KCNIP1: variants seen among roughly 807,000 people sequenced by gnomAD.
KCNIP1 encodes A-type potassium channel modulatory protein KCNIP1.
Under a neutral mutation model 33.0 loss-of-function variants are expected in KCNIP1, and 18 were observed. The observed-to-expected ratio is 0.55, with a 90% confidence interval of 0.38 to 0.81. The LOEUF (loss-of-function observed/expected upper bound fraction) is 0.81. KCNIP1 is among the 30% of genes least tolerant of loss of function. KCNIP1 has a pLI of 0.00. For synonymous variants in KCNIP1, 93 were observed against 98.3 expected, an observed-to-expected ratio of 0.95 and a Z score of 0.32; for missense variants, 238 against 271.6, an observed-to-expected ratio of 0.88 and a Z score of 0.87.
chr5:170,465,992 A>G (rs550323058), intron 1 of KCNIP1, among the ~76,000 whole-genome samples: 2 of 152,326 alleles, frequency 1.3e-5, no homozygotes, highest in East Asian at 3.9e-4. Context: ...TTGGAAGACA[A>G]GTGAGAGGAT....
intron 1 of KCNIP1, among the ~76,000 whole-genome samples, chr5:170,379,544 G>A (rs1764151199): frequency 6.6e-6 from 1 of 152,148 alleles, no homozygotes; most frequent in East Asian, 1.9e-4. Context: ...GCCAGGGTGT[G>A]GCAGGGCCTG....
At chr5:170,705,934 C>T (rs1763243847) in intron 1 of KCNIP1, among the ~76,000 whole-genome samples, 1 of 152,168 alleles carries the variant, frequency 6.6e-6, no homozygotes, top group African/African-American at 2.4e-5. Context: ...GAGCATCTTA[C>T]ATACCTTATC....
At chr5:170,437,922 G>A (rs963197328) in intron 1 of KCNIP1, among the ~76,000 whole-genome samples, 1 of 152,156 alleles carries the variant, frequency 6.6e-6, no homozygotes, top group Admixed American at 6.5e-5. Flanking sequence ...CTCCTTCCCC[G>A]GAGTTGGCTC....
chr5:170,568,028 A>G (rs1757261464), intron 1 of KCNIP1, among the ~76,000 whole-genome samples: 1 of 152,214 alleles, frequency 6.6e-6, no homozygotes, highest in African/African-American at 2.4e-5. Context: ...GCAACCTTCT[A>G]CAGATGTGGC....
chr5:170,629,734 C>A (rs1759982136), intron 1 of KCNIP1, among the ~76,000 whole-genome samples: 1 of 152,196 alleles, frequency 6.6e-6, no homozygotes, highest in South Asian at 2.1e-4. Flanking sequence ...GCACCAGCAC[C>A]CATCCCCACC....
chr5:170,534,548 G>A (rs1044929656), intron 1 of KCNIP1, among the ~76,000 whole-genome samples: 14 of 152,000 alleles, frequency 9.2e-5, no homozygotes, highest in African/African-American at 3.4e-4. Flanking sequence ...AGCTACAGAA[G>A]CACCTGTTGC....
chr5:170,531,883 C>T (rs535153727), intron 1 of KCNIP1, among the ~76,000 whole-genome samples: 9 of 152,078 alleles, frequency 5.9e-5, no homozygotes, highest in African/African-American at 2.2e-4. Flanking sequence ...CTCTAGAATC[C>T]AGCTACAAAC....
At chr5:170,628,391 G>A (rs1445539591) in intron 1 of KCNIP1, among the ~76,000 whole-genome samples, 1 of 152,112 alleles carries the variant, frequency 6.6e-6, no homozygotes, top group Non-Finnish European at 1.5e-5. Flanking sequence ...GACAACTGGG[G>A]ACACTGAGGC....
chr5:170,388,531 C>T (rs1764580028), intron 1 of KCNIP1, among the ~76,000 whole-genome samples: 1 of 152,164 alleles, frequency 6.6e-6, no homozygotes, highest in Non-Finnish European at 1.5e-5. Context: ...TTAGAAAGGT[C>T]ACTTGAGATC....
rs1431314362 is a variant in KCNIP1 at position 170,736,044 on chromosome 5, T to C, written c.*238T>C. On this transcript the variant is annotated 3_prime_UTR_variant, in exon 8 of 8. Coordinates refer to ENST00000328939, the MANE Select transcript of KCNIP1 (RefSeq NM_014592.4). Reference sequence around the variant, plus strand: ...AGAGAGACAAGATGAAATTTGAGTTTGTTTTGGAAGCATGCTCATCTCCTC... The same window carrying C: ...AGAGAGACAAGATGAAATTTGAGTTCGTTTTGGAAGCATGCTCATCTCCTC... 10 of 549,700 alleles carry C rather than the reference T, an allele frequency of 1.8e-5. No homozygotes were observed. In the East Asian group the frequency reaches 2.9e-4, roughly 16 times the overall value. The allele number at this position is 549,700 out of a possible 1,614,324, so 34.1% of individuals were successfully genotyped here.
At chr5:170,475,890 G>A (rs745519533) in intron 1 of KCNIP1, among the ~76,000 whole-genome samples, 5 of 152,116 alleles carry the variant, frequency 3.3e-5, no homozygotes, top group Non-Finnish European at 5.9e-5. Context: ...CTTGTCAGGA[G>A]TAGGTTGAGG....
intron 1 of KCNIP1, among the ~76,000 whole-genome samples, chr5:170,670,404 C>T (rs935776101): frequency 6.6e-6 from 1 of 152,162 alleles, no homozygotes; most frequent in Non-Finnish European, 1.5e-5. Flanking sequence ...ACTTAGAAGT[C>T]AGGGCAAGAA....
chr5:170,687,111 A>G (rs1297050803), intron 1 of KCNIP1, among the ~76,000 whole-genome samples: 2 of 152,062 alleles, frequency 1.3e-5, no homozygotes, highest in Non-Finnish European at 2.9e-5. Flanking sequence ...CTGCTCGTCA[A>G]TCACTCTTAA....
At chr5:170,650,906 CAT>C (rs1254853350) in intron 1 of KCNIP1, among the ~76,000 whole-genome samples, 8 of 152,332 alleles carry the variant, frequency 5.3e-5, no homozygotes, top group South Asian at 2.1e-4. Flanking sequence ...TCTGATAAAA[CAT>C]GTGGATCTAA....
At chr5:170,723,607 C>A (rs1763904416) in intron 5 of KCNIP1, among the ~76,000 whole-genome samples, 1 of 152,224 alleles carries the variant, frequency 6.6e-6, no homozygotes, top group East Asian at 1.9e-4. Context: ...TTTCATTCCT[C>A]ATTCATTTAG....
intron 1 of KCNIP1, among the ~76,000 whole-genome samples, chr5:170,363,272 C>T (rs565196646): frequency 7.9e-5 from 12 of 152,344 alleles, no homozygotes; most frequent in Admixed American, 1.3e-4. Context: ...TCAGCACCGT[C>T]ACTTCTGTCA....
At chr5:170,674,033 T>C (rs1762023737) in intron 1 of KCNIP1, among the ~76,000 whole-genome samples, 1 of 151,982 alleles carries the variant, frequency 6.6e-6, no homozygotes, top group Admixed American at 6.6e-5. Flanking sequence ...ACTACTGACA[T>C]CCTGGGACAG....
chr5:170,605,200 T>G (rs982062557), intron 1 of KCNIP1, among the ~76,000 whole-genome samples: 1 of 150,516 alleles, frequency 6.6e-6, no homozygotes, highest in Admixed American at 6.6e-5. Context: ...CCACCCTCCC[T>G]TATCATGTGC....
At chr5:170,601,957 C>G (rs550310241) in intron 1 of KCNIP1, among the ~76,000 whole-genome samples, 3 of 152,130 alleles carry the variant, frequency 2.0e-5, no homozygotes, top group Non-Finnish European at 4.4e-5. Flanking sequence ...GAGATGGTGC[C>G]GGAGGACTGG....
Sources: allele counts gnomAD v4.1 joint callset (sites outside exome capture counted in the v4.1 genomes callset), GRCh38; gene constraint gnomAD v4.1.1; transcripts MANE v1.5; gene names NCBI Gene and HGNC (gene_info 2026-07-23, HGNC 2026-07-21).